The following FGF12 variants were observed in gnomAD, a reference collection of about 807,000 sequenced individuals.
The protein encoded by FGF12 is fibroblast growth factor 12, also known as fibroblast growth factor 12B.
A neutral mutation model predicts 23.6 loss-of-function variants in FGF12; 14 were observed. The observed-to-expected ratio is 0.59, with a 90% CI of 0.39 to 0.93. FGF12 has a LOEUF of 0.93. Among genes scored for constraint, FGF12 ranks in the 40% least tolerant of loss-of-function variants. The probability of loss-of-function intolerance (pLI) is 0.00; values close to 1 mark genes in which losing one functional copy is unlikely to be tolerated. For missense variants in FGF12, 175 were observed against 217.8 expected (o/e 0.80, Z 1.24); for synonymous variants, 62 against 77.3 (o/e 0.80, Z 1.04).
At chr3:192,698,727 C>G (rs1163078948) in intron 2 of FGF12, among the ~76,000 whole-genome samples, 1 of 152,078 alleles carries the variant, frequency 6.6e-6, no homozygotes, top group African/African-American at 2.4e-5. Context: ...TTCCTGTCAG[C>G]TTTATAATTT....
At chr3:192,425,912 G>A (rs777201799) in intron 2 of FGF12, among the ~76,000 whole-genome samples, 6 of 152,078 alleles carry the variant, frequency 3.9e-5, no homozygotes, top group Non-Finnish European at 7.4e-5. Flanking sequence ...AAAATTACAT[G>A]GGGATGGAAC....
chr3:192,662,841 G>A (rs6784363), intron 2 of FGF12, among the ~76,000 whole-genome samples: 1 of 152,058 alleles, frequency 6.6e-6, no homozygotes, highest in South Asian at 2.1e-4. Context: ...AATAATGATC[G>A]CAACAAATGC....
rs60991895 is a variant in FGF12, at chr3:192,628,442, T to TACAC, written c.13+98735_13+98738dup. Among the ~76,000 whole-genome samples the TACAC allele has an allele frequency of 2.8e-3, 375 of 135,002 alleles. 1 individual carries two copies. Among genetic ancestry groups the TACAC allele is most frequent in the African/African-American group, 0.01 (364 of 35,444 alleles). 88.6% of individuals were successfully genotyped at this position (135,002 alleles called of 152,430 possible). ...CAATTTTTCATTCCAACCAAAGGAA[T>TACAC]ACACACACACACACACACACACACA... On this transcript the variant is annotated intron_variant, in intron 2 of 5. Transcript: ENST00000445105.
intron 2 of FGF12, among the ~76,000 whole-genome samples, chr3:192,654,625 A>G (rs1030988601): frequency 1.3e-5 from 2 of 152,226 alleles, no homozygotes; most frequent in African/African-American, 4.8e-5. Context: ...GATGAAAAGC[A>G]GAGGCTTACA....
At chr3:192,344,559 GA>G (rs1560078578) in intron 3 of FGF12, among the ~76,000 whole-genome samples, 1 of 152,152 alleles carries the variant, frequency 6.6e-6, no homozygotes, top group Non-Finnish European at 1.5e-5. Context: ...TTTTCTCACT[GA>G]ATTTATCGAC....
intron 2 of FGF12, among the ~76,000 whole-genome samples, chr3:192,424,191 C>A (rs1265511577): frequency 6.6e-6 from 1 of 152,100 alleles, no homozygotes; most frequent in Non-Finnish European, 1.5e-5. Flanking sequence ...CATCTGACAT[C>A]TATTTTCAAA....
chr3:192,197,981 G>A (rs1667452275), intron 4 of FGF12, among the ~76,000 whole-genome samples: 1 of 150,156 alleles, frequency 6.7e-6, no homozygotes, highest in Non-Finnish European at 1.5e-5. Flanking sequence ...AGTCCTCCGG[G>A]GGTCCCGAGT....
At chr3:192,543,866 T>C (rs1725432754) in intron 2 of FGF12, among the ~76,000 whole-genome samples, 1 of 152,196 alleles carries the variant, frequency 6.6e-6, no homozygotes, top group Non-Finnish European at 1.5e-5. Flanking sequence ...TGTCTTTCTG[T>C]GGCTAAACTG....
intron 2 of FGF12, among the ~76,000 whole-genome samples, chr3:192,529,528 C>T (rs951240115): frequency 6.6e-6 from 1 of 152,210 alleles, no homozygotes; most frequent in African/African-American, 2.4e-5. Flanking sequence ...AAAGTTGCTT[C>T]CACATTTTAG....
rs376417079 is a variant in FGF12, at chr3:192,608,363, T to C, written c.13+118818A>G. On this transcript the variant is annotated intron_variant, in intron 2 of 5. Transcript: ENST00000445105. ...TGAGGTGATGGATATTCCATTTACC[T>C]TGATATGATTATTATGCATTGCATG... Among the ~76,000 whole-genome samples the C allele has an allele frequency of 6.5e-4, 99 of 152,286 alleles. 7 individuals carry two copies. In the South Asian group the frequency reaches 0.02, roughly 31 times the overall value.
rs549352173 is a variant in FGF12, at chr3:192,664,255, G to A, written c.13+62926C>T. 3.3e-4 allele frequency among the ~76,000 whole-genome samples: 50 copies of A among 152,228 alleles called. 1 individual carries two copies. In the Middle Eastern group the frequency reaches 0.017, roughly 52 times the overall value. On this transcript the variant is annotated intron_variant, in intron 2 of 5. Coordinates refer to ENST00000445105, the MANE Select transcript of FGF12 (RefSeq NM_004113.6). ...TATAATCCAACAAAGTTACCACTGT[G>A]TGGATTAGACAAGTAGTAGCAACTG...
intron 2 of FGF12, among the ~76,000 whole-genome samples, chr3:192,468,928 T>C (rs1175838797): frequency 6.6e-6 from 1 of 152,206 alleles, no homozygotes; most frequent in African/African-American, 2.4e-5. Context: ...TTCTCCCCCA[T>C]TCATTCATTT....
chr3:192,470,202 A>G (rs1314140666), intron 2 of FGF12, among the ~76,000 whole-genome samples: 1 of 152,184 alleles, frequency 6.6e-6, no homozygotes, highest in Non-Finnish European at 1.5e-5. Context: ...CTCATATTAA[A>G]TTTATTGTCA....
chr3:192,707,290 A>G (rs1718500782), intron 2 of FGF12, among the ~76,000 whole-genome samples: 1 of 152,214 alleles, frequency 6.6e-6, no homozygotes, highest in Admixed American at 6.5e-5. Flanking sequence ...AACTAATGAC[A>G]AGGCTGTACT....
chr3:192,701,328 G>A (rs777102833), intron 2 of FGF12, among the ~76,000 whole-genome samples: 5 of 152,048 alleles, frequency 3.3e-5, no homozygotes, highest in African/African-American at 9.7e-5. Flanking sequence ...TCCCTAAAAC[G>A]TATAAAACCA....
At chr3:192,592,974 A>C (rs553215318) in intron 2 of FGF12, among the ~76,000 whole-genome samples, 1 of 151,774 alleles carries the variant, frequency 6.6e-6, no homozygotes, top group East Asian at 1.9e-4. Context: ...ATCATCCTCC[A>C]CCTGTACTAC....
chr3:192,724,970 T>C (rs574833347), intron 2 of FGF12, among the ~76,000 whole-genome samples: 75 of 152,318 alleles, frequency 4.9e-4, no homozygotes, highest in African/African-American at 1.8e-3. Context: ...AAGTATTATA[T>C]ATACATACAT....
intron 2 of FGF12, among the ~76,000 whole-genome samples, chr3:192,458,870 G>A (rs182596102): frequency 3.3e-5 from 5 of 152,242 alleles, no homozygotes; most frequent in Admixed American, 1.3e-4. Context: ...CAATTCCCAC[G>A]TGTTGTGGGA....
At chr3:192,389,924 G>A (rs1166193628) in intron 2 of FGF12, among the ~76,000 whole-genome samples, 1 of 152,184 alleles carries the variant, frequency 6.6e-6, no homozygotes, top group Non-Finnish European at 1.5e-5. Flanking sequence ...ATTTTAAAAT[G>A]TTTAATCTAA....
Sources: allele counts gnomAD v4.1 joint callset (sites outside exome capture counted in the v4.1 genomes callset), GRCh38; gene constraint gnomAD v4.1.1; transcripts MANE v1.5; gene names NCBI Gene and HGNC (gene_info 2026-07-23, HGNC 2026-07-21).